The following RBM6 variants were observed in gnomAD, a reference collection of about 807,000 sequenced individuals.
RBM6 encodes RNA-binding protein 6.
A neutral mutation model predicts 140.4 loss-of-function variants in RBM6; 23 were observed. The observed-to-expected ratio is 0.16, with a 90% CI of 0.12 to 0.23. The LOEUF is 0.23. Ranked by LOEUF, RBM6 falls within the 10% of genes least tolerant of loss-of-function variation. The pLI is 1.00. For synonymous variants in RBM6, 439 were observed against 475.6 expected, an observed-to-expected ratio of 0.92 and a Z score of 1.00; for missense variants, 1,139 against 1,386.7, an observed-to-expected ratio of 0.82 and a Z score of 2.84.
At chr3:49,959,711 C>T (rs1341807281) in intron 1 of RBM6, among the ~76,000 whole-genome samples, 2 of 151,114 alleles carry the variant, frequency 1.3e-5, no homozygotes, top group African/African-American at 2.4e-5. Context: ...GCTGGGACTA[C>T]AGGTGCCCGC....
intron 5 of RBM6, among the ~76,000 whole-genome samples, chr3:49,989,404 A>G (rs1370607343): frequency 6.6e-6 from 1 of 152,030 alleles, no homozygotes; most frequent in Non-Finnish European, 1.5e-5. Context: ...GTGAAACCCC[A>G]TCTCTACTAA....
At chr3:50,045,708 T>G in intron 6 of RBM6, among the ~76,000 whole-genome samples, 1 of 152,192 alleles carries the variant, frequency 6.6e-6, no homozygotes, top group Non-Finnish European at 1.5e-5. Flanking sequence ...CACCTGCTGA[T>G]GCTGGTCTTT....
Position 50,061,016 on chromosome 3 carries a change from G to A in RBM6, c.2271+18G>A. On this transcript the variant is annotated intron_variant, in intron 12 of 20. Transcript: ENST00000266022. ...ACTATCAGGTAGGCTGTAACAGGTG[G>A]GGAGTGCTCTATTAAAATCCTCAGG... 2 of 1,595,868 alleles carry A rather than the reference G, an allele frequency of 1.3e-6. No homozygotes were observed. The highest frequency in any genetic ancestry group is 1.7e-6 in the Non-Finnish European group (2 of 1,170,990).
At chr3:50,061,756 C>A in intron 14 of RBM6, 1 of 1,329,370 alleles carries the variant, frequency 7.5e-7, no homozygotes. Flanking sequence ...CAGGTAAGAA[C>A]AGTGTTGCTC....
intron 4 of RBM6, among the ~76,000 whole-genome samples, chr3:49,973,881 C>A (rs1320801496): frequency 7.2e-6 from 1 of 139,072 alleles, no homozygotes; most frequent in East Asian, 2.1e-4. Flanking sequence ...CCACCGCGCC[C>A]AGCATTTTGT....
At chr3:50,076,543 G>A (rs555389283) in intron 20 of RBM6, among the ~76,000 whole-genome samples, 6 of 150,962 alleles carry the variant, frequency 4.0e-5, no homozygotes, top group South Asian at 2.1e-4. Context: ...GATCTTGATC[G>A]TGCCACTGCA....
intron 6 of RBM6, among the ~76,000 whole-genome samples, chr3:50,008,067 G>T (rs934403419): frequency 3.3e-5 from 5 of 152,122 alleles, no homozygotes; most frequent in Non-Finnish European, 7.4e-5. Context: ...CCGCACTCCA[G>T]CCTGGGCAAC....
chr3:50,005,246 C>T (rs1012210414), intron 6 of RBM6, among the ~76,000 whole-genome samples: 5 of 152,010 alleles, frequency 3.3e-5, no homozygotes, highest in African/African-American at 9.7e-5. Flanking sequence ...CCTGTAATTC[C>T]AGCACTTTTG....
At position 49,994,984 on chromosome 3, in the gene RBM6, G is replaced by T. The variant is rs1391178033; in HGVS notation, c.1484-4456G>T. On this transcript the variant is annotated intron_variant, in intron 5 of 20. Transcript: ENST00000266022. ...TATTATGAAAATTGGGCCTGTTATA[G>T]ACTAATAATTGACTTAAACCATACA... Among the ~76,000 whole-genome samples the T allele has an allele frequency of 2.0e-5, 3 of 152,028 alleles. No homozygotes were observed. In the East Asian group the frequency reaches 5.8e-4, roughly 29 times the overall value.
chr3:49,994,667 G>GT (rs2085986728), intron 5 of RBM6, among the ~76,000 whole-genome samples: 1 of 83,694 alleles, frequency 1.2e-5, no homozygotes, highest in South Asian at 2.8e-4. Context: ...AAAAGGCTGT[G>GT]GGGTGTGTGT....
At chr3:49,944,492 T>G (rs1438135027) in intron 1 of RBM6, among the ~76,000 whole-genome samples, 9 of 133,662 alleles carry the variant, frequency 6.7e-5, no homozygotes, top group African/African-American at 2.2e-4. Flanking sequence ...TTTTTTTTTT[T>G]GTGAGACAGT....
chr3:50,007,206 T>C (rs111522541), intron 6 of RBM6, among the ~76,000 whole-genome samples: 1 of 150,350 alleles, frequency 6.7e-6, no homozygotes, highest in African/African-American at 2.4e-5. Flanking sequence ...TTTTTTTTTT[T>C]CCTTTTTTGA....
intron 4 of RBM6, among the ~76,000 whole-genome samples, chr3:49,974,574 G>A (rs990718643): frequency 5.3e-5 from 8 of 150,116 alleles, no homozygotes; most frequent in African/African-American, 2.0e-4. Context: ...GGGTTTTACC[G>A]TGTTAGCCAG....
chr3:50,017,564 A>T (rs1322085570), intron 6 of RBM6, among the ~76,000 whole-genome samples: 1 of 152,016 alleles, frequency 6.6e-6, no homozygotes, highest in African/African-American at 2.4e-5. Flanking sequence ...TCTCAAAAAA[A>T]AAAAAAAGAA....
chr3:50,045,422 A>G (rs369618653), intron 6 of RBM6, among the ~76,000 whole-genome samples: 4 of 152,338 alleles, frequency 2.6e-5, no homozygotes, highest in South Asian at 4.1e-4. Context: ...AGTTGGCTCT[A>G]TTCAGTCTTT....
chr3:50,060,185 T>C (rs947823904), intron 11 of RBM6, among the ~76,000 whole-genome samples: 1 of 152,164 alleles, frequency 6.6e-6, no homozygotes, highest in Non-Finnish European at 1.5e-5. Context: ...ATGGTACAGT[T>C]TTGGATGTGC....
At chr3:49,974,979 G>T (rs2084997108) in intron 4 of RBM6, among the ~76,000 whole-genome samples, 1 of 151,512 alleles carries the variant, frequency 6.6e-6, no homozygotes, top group East Asian at 1.9e-4. Context: ...GAGCCACCAC[G>T]CCCGGTCTCT....
intron 7 of RBM6, among the ~76,000 whole-genome samples, chr3:50,049,065 G>A (rs963880520): frequency 2.0e-5 from 3 of 151,352 alleles, no homozygotes; most frequent in African/African-American, 7.3e-5. Flanking sequence ...GCCTCCCAAA[G>A]TGCTGGGATT....
chr3:49,941,253 A>G (rs2083269163), intron 1 of RBM6, among the ~76,000 whole-genome samples: 1 of 152,160 alleles, frequency 6.6e-6, no homozygotes, highest in African/African-American at 2.4e-5. Context: ...TTTTGGTGAA[A>G]CACAAAAGTT....
Sources: allele counts gnomAD v4.1 joint callset (sites outside exome capture counted in the v4.1 genomes callset), GRCh38; gene constraint gnomAD v4.1.1; transcripts MANE v1.5; gene names NCBI Gene and HGNC (gene_info 2026-07-23, HGNC 2026-07-21).